Variants in LRRTM4 observed in about 807,000 individuals in gnomAD.
LRRTM4 encodes the protein leucine-rich repeat transmembrane neuronal protein 4.
LRRTM4 carries 25 observed loss-of-function variants against 47.6 expected under a neutral mutation model. The observed-to-expected ratio is 0.53, with a 90% CI of 0.38 to 0.73. The LOEUF (loss-of-function observed/expected upper bound fraction) is 0.73. LRRTM4 is among the 30% of genes least tolerant of loss of function. The pLI is 0.00. For synonymous variants in LRRTM4, 311 were observed against 269.5 expected, an observed-to-expected ratio of 1.15 and a Z score of -1.51; for missense variants, 638 against 713.4, an observed-to-expected ratio of 0.89 and a Z score of 1.20.
At chr2:77,470,537 T>C (rs1435730207) in intron 3 of LRRTM4, among the ~76,000 whole-genome samples, 3 of 152,122 alleles carry the variant, frequency 2.0e-5, no homozygotes, top group Non-Finnish European at 4.4e-5. Flanking sequence ...ATCAGTTGAG[T>C]AAGCATTAAG....
intron 3 of LRRTM4, among the ~76,000 whole-genome samples, chr2:76,871,526 T>C (rs1331011377): frequency 1.3e-5 from 2 of 152,160 alleles, no homozygotes; most frequent in Non-Finnish European, 2.9e-5. Context: ...AACCTATGCA[T>C]CCCAAGCATA....
At chr2:77,307,648 C>CAACA (rs1558680333) in intron 3 of LRRTM4, among the ~76,000 whole-genome samples, 2 of 42,290 alleles carry the variant, frequency 4.7e-5, no homozygotes, top group African/African-American at 5.3e-4. Context: ...ATAGATATAT[C>CAACA]TATATATTAT....
chr2:77,447,911 A>C (rs1414864789), intron 3 of LRRTM4, among the ~76,000 whole-genome samples: 2 of 152,278 alleles, frequency 1.3e-5, no homozygotes, highest in Admixed American at 6.5e-5. Context: ...ATGAATGTTG[A>C]ACGTGGGGAT....
At chr2:77,034,057 G>C (rs955528261) in intron 3 of LRRTM4, among the ~76,000 whole-genome samples, 1 of 151,334 alleles carries the variant, frequency 6.6e-6, no homozygotes, top group Non-Finnish European at 1.5e-5. Context: ...AACCATAAAG[G>C]TTCTGTTATG....
At chr2:77,035,088 G>C (rs1398620818) in intron 3 of LRRTM4, among the ~76,000 whole-genome samples, 1 of 150,386 alleles carries the variant, frequency 6.6e-6, no homozygotes, top group Non-Finnish European at 1.5e-5. Context: ...TATACTTTAA[G>C]TTCTAGGGTA....
chr2:77,367,967 AG>A (rs1672521886), intron 3 of LRRTM4, among the ~76,000 whole-genome samples: 1 of 151,876 alleles, frequency 6.6e-6, no homozygotes, highest in African/African-American at 2.4e-5. Context: ...GCTACATTTT[AG>A]GTGCCTTTTT....
chr2:77,133,155 C>G (rs764848793), intron 3 of LRRTM4, among the ~76,000 whole-genome samples: 2 of 152,006 alleles, frequency 1.3e-5, no homozygotes, highest in African/African-American at 2.4e-5. Context: ...TAAATTATGC[C>G]TTTGTTGAGT....
intron 3 of LRRTM4, among the ~76,000 whole-genome samples, chr2:77,007,660 AT>A (rs1296105450): frequency 6.6e-6 from 1 of 152,280 alleles, no homozygotes; most frequent in South Asian, 2.1e-4. Flanking sequence ...TTGCAAGTAA[AT>A]CTCACCATTC....
At chr2:77,037,892 G>T (rs1316517100) in intron 3 of LRRTM4, among the ~76,000 whole-genome samples, 2 of 151,618 alleles carry the variant, frequency 1.3e-5, no homozygotes, top group Non-Finnish European at 3.0e-5. Flanking sequence ...ATTTATCTCT[G>T]GTTTTCTCAC....
At chr2:77,044,664 C>T (rs1156326766) in intron 3 of LRRTM4, among the ~76,000 whole-genome samples, 2 of 151,340 alleles carry the variant, frequency 1.3e-5, no homozygotes, top group Non-Finnish European at 3.0e-5. Context: ...CAAACACACA[C>T]ATACACATAT....
chr2:77,387,110 T>C (rs1434450663), intron 3 of LRRTM4, among the ~76,000 whole-genome samples: 1 of 152,088 alleles, frequency 6.6e-6, no homozygotes, highest in African/African-American at 2.4e-5. Flanking sequence ...ACCTATGCAA[T>C]TGAGAATAGT....
Position 77,119,698 on chromosome 2 carries a change from T to C in LRRTM4, c.1552-370782A>G, listed in dbSNP as rs79377867. 3.7e-3 allele frequency among the ~76,000 whole-genome samples: 565 copies of C among 151,964 alleles called. 2 individuals are homozygous for C. Among genetic ancestry groups the C allele is most frequent in the African/African-American group, 0.013 (543 of 41,546 alleles). ...ATCGTAAAAAAGAGCTAGCCAATGA[T>C]ATAAGTCTGCTTCATTTCAAATGAA... On this transcript the variant is annotated intron_variant, in intron 3 of 3. Coordinates refer to ENST00000409884, the MANE Select transcript of LRRTM4 (RefSeq NM_001134745.3).
At chr2:76,825,901 G>A (rs989618718) in intron 3 of LRRTM4, among the ~76,000 whole-genome samples, 1 of 151,720 alleles carries the variant, frequency 6.6e-6, no homozygotes, top group East Asian at 1.9e-4. Flanking sequence ...GTTGCAGTCT[G>A]TAAGAGCAGA....
chr2:77,358,845 C>A (rs1672070168), intron 3 of LRRTM4, among the ~76,000 whole-genome samples: 1 of 152,068 alleles, frequency 6.6e-6, no homozygotes, highest in South Asian at 2.1e-4. Context: ...TATATTAGGG[C>A]TTAGGGCAAT....
intron 3 of LRRTM4, among the ~76,000 whole-genome samples, chr2:77,007,423 T>G (rs1220831788): frequency 6.6e-6 from 1 of 152,170 alleles, no homozygotes; most frequent in Non-Finnish European, 1.5e-5. Context: ...TGCTGAGATA[T>G]ATTGGCTATA....
At chr2:77,412,689 G>A (rs1484571810) in intron 3 of LRRTM4, among the ~76,000 whole-genome samples, 2 of 152,078 alleles carry the variant, frequency 1.3e-5, no homozygotes, top group African/African-American at 4.8e-5. Flanking sequence ...AAACTAATCA[G>A]AAATTACTGT....
At chr2:76,958,029 G>C (rs998621441) in intron 3 of LRRTM4, among the ~76,000 whole-genome samples, 3 of 151,526 alleles carry the variant, frequency 2.0e-5, no homozygotes, top group African/African-American at 7.3e-5. Context: ...TAGGCCTTAA[G>C]TATTTTTGAG....
chr2:77,510,892 A>G (rs1431776584), intron 3 of LRRTM4, among the ~76,000 whole-genome samples: 1 of 152,064 alleles, frequency 6.6e-6, no homozygotes, highest in Non-Finnish European at 1.5e-5. Context: ...TGACCATTTT[A>G]TTTTAAAACC....
intron 3 of LRRTM4, among the ~76,000 whole-genome samples, chr2:76,852,126 T>C (rs1672016546): frequency 6.6e-6 from 1 of 152,178 alleles, no homozygotes; most frequent in Non-Finnish European, 1.5e-5. Context: ...TTATTGAATG[T>C]GATTATCACA....
Sources: gnomAD v4.1 joint callset for allele counts (sites outside exome capture counted in the v4.1 genomes callset) on GRCh38, gnomAD v4.1.1 for gene constraint, MANE v1.5 for transcripts, NCBI Gene and HGNC (gene_info 2026-07-23, HGNC 2026-07-21) for gene names.